Variants in TMTC1 observed in about 807,000 individuals in gnomAD.
The protein encoded by TMTC1 is protein O-mannosyl-transferase TMTC1.
In TMTC1, 73 loss-of-function variants were observed where a neutral mutation model predicts 104.8. That is an observed-to-expected ratio of 0.70 (90% CI 0.58 to 0.85). The LOEUF (loss-of-function observed/expected upper bound fraction) is 0.85, where lower values mean the gene tolerates loss of function less well. Ranked by LOEUF, TMTC1 falls within the 40% of genes least tolerant of loss-of-function variation. The pLI is 0.00. For missense variants in TMTC1, 1,035 were observed against 1,096.1 expected (o/e 0.94, Z 0.79); for synonymous variants, 434 against 428.7 (o/e 1.01, Z -0.15).
chr12:29,645,301 T>C (rs1448146373), intron 5 of TMTC1, among the ~76,000 whole-genome samples: 2 of 152,236 alleles, frequency 1.3e-5, no homozygotes, highest in Non-Finnish European at 2.9e-5. Flanking sequence ...TCTGCCTTTT[T>C]GTAGCCCTCT....
rs759116903 is a variant in TMTC1 at position 29,518,561 on chromosome 12, A to T, written c.1935T>A (p.Leu645=). The T allele has an allele frequency of 6.2e-7, 1 of 1,614,126 alleles. No homozygotes were observed. ...AVAHYQQAIK[L]SPSHHVAMVN... is the part of the protein sequence containing the mutation. ...CCATGGCCACGTGATGACTGGGGCTAAGTTTGATGGCCTGCTGGTAATGGG... is the reference window on the plus strand; with the variant it reads ...CCATGGCCACGTGATGACTGGGGCTTAGTTTGATGGCCTGCTGGTAATGGG... The change falls in exon 13 of 18, where the codon CTT becomes CTA. Residue 645 remains leucine, a synonymous_variant. Transcript: ENST00000539277.
At position 29,573,387 on chromosome 12, in the gene TMTC1, T is replaced by C. The variant is rs577248932; in HGVS notation, c.1419-1169A>G. On this transcript the variant is annotated intron_variant, in intron 8 of 17. Coordinates refer to ENST00000539277, the MANE Select transcript of TMTC1 (RefSeq NM_001193451.2). ...TCAGTTTGCAAGCATTTCTCTAAGC[T>C]GAAGTAAATGGTACAGTTGTTTATC... Among the ~76,000 whole-genome samples the C allele has an allele frequency of 1.6e-4, 24 of 152,322 alleles. No homozygotes were observed. The South Asian group carries it at 4.8e-3, about 30-fold the overall frequency.
chr12:29,773,300 G>C (rs1403182766), intron 1 of TMTC1, among the ~76,000 whole-genome samples: 2 of 152,178 alleles, frequency 1.3e-5, no homozygotes, highest in Non-Finnish European at 2.9e-5. Flanking sequence ...GGGGTGGAGA[G>C]AAAGGGAGAA....
intron 6 of TMTC1, among the ~76,000 whole-genome samples, chr12:29,620,837 G>GC (rs1448482548): frequency 1.3e-5 from 2 of 152,204 alleles, no homozygotes; most frequent in Non-Finnish European, 2.9e-5. Context: ...CCAGCTGAGA[G>GC]CAGGGAGAAG....
chr12:29,511,718 G>C (rs530546664), intron 17 of TMTC1, among the ~76,000 whole-genome samples: 4 of 152,284 alleles, frequency 2.6e-5, no homozygotes, highest in Non-Finnish European at 5.9e-5. Flanking sequence ...TACTGAGCTT[G>C]AACAACGATT....
chr12:29,571,034 A>G (rs1945662391), intron 9 of TMTC1, among the ~76,000 whole-genome samples: 3 of 152,192 alleles, frequency 2.0e-5, no homozygotes, highest in Non-Finnish European at 4.4e-5. Flanking sequence ...CTATCAAAAT[A>G]AGCCTTGAGA....
intron 9 of TMTC1, among the ~76,000 whole-genome samples, chr12:29,560,539 G>A (rs956722088): frequency 3.3e-5 from 5 of 151,996 alleles, no homozygotes; most frequent in South Asian, 2.1e-4. Context: ...CTGGCAGATC[G>A]CTTGAACTCG....
chr12:29,556,418 T>C (rs1945247292), intron 10 of TMTC1, among the ~76,000 whole-genome samples: 1 of 152,208 alleles, frequency 6.6e-6, no homozygotes, highest in Admixed American at 6.5e-5. Flanking sequence ...AAGTATATTA[T>C]GGAATATTTG....
chr12:29,514,643 TAGGTA>T, intron 15 of TMTC1, 39 bp from the exon 16 acceptor site: 1 of 1,581,576 alleles, frequency 6.3e-7, no homozygotes, highest in Non-Finnish European at 8.6e-7. Context: ...AAATGCAGAT[TAGGTA>T]AAGAAAAACT....
chr12:29,540,455 C>G (rs557397231), intron 10 of TMTC1, among the ~76,000 whole-genome samples: 1 of 152,158 alleles, frequency 6.6e-6, no homozygotes, highest in Non-Finnish European at 1.5e-5. Flanking sequence ...CACACAGCTT[C>G]GATAACACCT....
At position 29,766,944 on chromosome 12, in the gene TMTC1, G is replaced by A. The variant is rs1318344580; in HGVS notation, c.480+954C>T. Among the ~76,000 whole-genome samples, 3 of 143,926 alleles carry A rather than the reference G, an allele frequency of 2.1e-5. No homozygotes were observed. In the East Asian group the frequency reaches 6.7e-4, roughly 32 times the overall value. 94.4% of individuals were successfully genotyped at this position (143,926 alleles called of 152,430 possible). On this transcript the variant is annotated intron_variant, in intron 2 of 17. Coordinates refer to ENST00000539277, the MANE Select transcript of TMTC1 (RefSeq NM_001193451.2). Reference sequence around the variant, plus strand: ...AATAAATATTTTAAAAAGGGCCATAGCTATCAATACTTTTTTTTTTTTTGA... The same window carrying A: ...AATAAATATTTTAAAAAGGGCCATAACTATCAATACTTTTTTTTTTTTTGA...
intron 5 of TMTC1, among the ~76,000 whole-genome samples, chr12:29,713,186 A>C (rs1941979104): frequency 6.6e-6 from 1 of 151,932 alleles, no homozygotes; most frequent in South Asian, 2.1e-4. Flanking sequence ...TAGGATTACA[A>C]CACCAACTGC....
chr12:29,662,997 G>GGGAT (rs1940106451), intron 5 of TMTC1, among the ~76,000 whole-genome samples: 3 of 152,192 alleles, frequency 2.0e-5, no homozygotes, highest in Non-Finnish European at 4.4e-5. Context: ...AAGAACACCA[G>GGGAT]GGATACTGTC....
chr12:29,548,439 C>G (rs191935857), intron 10 of TMTC1, among the ~76,000 whole-genome samples: 18 of 152,164 alleles, frequency 1.2e-4, no homozygotes, highest in Non-Finnish European at 1.6e-4. Context: ...TGAGAGGGAC[C>G]CGGTGGGAAG....
chr12:29,769,223 CAT>C lies in TMTC1; in HGVS notation c.303-1150_303-1149del, dbSNP rs1373077334. The stretch of plus-strand genomic sequence containing the variant: ...TTAAACATCTCAAGATTTATTTGGA[CAT>C]ATGAATGCAAATGTCATAGTTACTA... On this transcript the variant is annotated intron_variant, in intron 1 of 17. Transcript: ENST00000539277. Among the ~76,000 whole-genome samples, 12 of 152,334 alleles carry C rather than the reference CAT, an allele frequency of 7.9e-5. 1 individual carries two copies. The East Asian group carries it at 1.7e-3, about 22-fold the overall frequency.
At chr12:29,622,392 G>A (rs1445598042) in intron 6 of TMTC1, among the ~76,000 whole-genome samples, 1 of 152,148 alleles carries the variant, frequency 6.6e-6, no homozygotes, top group Non-Finnish European at 1.5e-5. Flanking sequence ...ATAAAGAATA[G>A]GACTGACTAA....
At chr12:29,564,447 G>A (rs933601719) in intron 9 of TMTC1, among the ~76,000 whole-genome samples, 2 of 152,122 alleles carry the variant, frequency 1.3e-5, no homozygotes, top group African/African-American at 4.8e-5. Context: ...TCTAAAGAAG[G>A]AGCAGAAAAA....
rs897148719 is a variant in TMTC1, at chr12:29,517,317, G to A, written c.2169+110C>T. On this transcript the variant is annotated intron_variant, in intron 14 of 17. Transcript: ENST00000539277. Reference sequence around the variant, plus strand: ...CATTAGCTGTATGAATATTCATACAGTGGATATATTACGGCATTCCAGCTC... The same window carrying A: ...CATTAGCTGTATGAATATTCATACAATGGATATATTACGGCATTCCAGCTC... 8.4e-6 allele frequency: 10 copies of A among 1,185,908 alleles called. 1 individual carries two copies. In the South Asian group the frequency reaches 1.5e-4, roughly 18 times the overall value. 73.5% of individuals were successfully genotyped at this position (1,185,908 alleles called of 1,614,324 possible).
chr12:29,506,980 A>G lies in TMTC1; in HGVS notation c.2515T>C (p.Tyr839His), dbSNP rs751834628. The G allele has an allele frequency of 1.9e-6, 3 of 1,613,616 alleles. No homozygotes were observed. Among genetic ancestry groups the G allele is most frequent in the Middle Eastern group, 1.6e-4 (1 of 6,062 alleles). The change falls in exon 18 of 18, where the codon TAT becomes CAT. Residue 839 changes from tyrosine to histidine, a missense_variant. Coordinates refer to ENST00000539277, the MANE Select transcript of TMTC1 (RefSeq NM_001193451.2). ...TCATAATAAGCTCTTGCAGACACAT[A>G]TTTTCCCTGGGGGTGGGAAAGAGGG... The part of the protein sequence containing the change: ...MGGIQHIKGK[Y>H]VSARAYYERA...
Sources: allele counts gnomAD v4.1 joint callset (sites outside exome capture counted in the v4.1 genomes callset), GRCh38; gene constraint gnomAD v4.1.1; transcripts MANE v1.5; gene names NCBI Gene and HGNC (gene_info 2026-07-23, HGNC 2026-07-21).